The following PNPLA7 variants were observed in gnomAD, a reference collection of about 807,000 sequenced individuals.
PNPLA7 encodes patatin like domain 7, lysophospholipase.
PNPLA7 carries 153 observed loss-of-function variants against 161.7 expected under a neutral mutation model. The ratio of observed to expected loss-of-function variants is 0.95; its 90% CI spans 0.83 to 1.08. PNPLA7 has a LOEUF of 1.08. Among genes scored for constraint, PNPLA7 ranks in the 50% least tolerant of loss-of-function variants. The pLI is 0.00. For missense variants in PNPLA7, 1,739 were observed against 1,856.6 expected (o/e 0.94, Z 1.16); for synonymous variants, 809 against 782.1 (o/e 1.03, Z -0.57).
intron 30 of PNPLA7, 144 bp from the exon 31 acceptor site, chr9:137,462,475 G>T (rs1410627698): frequency 1.4e-6 from 2 of 1,419,712 alleles, no homozygotes; most frequent in Non-Finnish European, 9.3e-7. Context: ...CCGGCCGGGG[G>T]TCCTCCCTGC....
In PNPLA7 at chr9:137,540,795, C is replaced by T; in HGVS notation, c.667-73G>A. The T allele has an allele frequency of 5.0e-6, 7 of 1,399,760 alleles. No homozygotes were observed. Among genetic ancestry groups the T allele is most frequent in the Non-Finnish European group, 6.9e-6 (7 of 1,015,952 alleles). The allele number at this position is 1,399,760 out of a possible 1,614,324, so 86.7% of individuals were successfully genotyped here. A position where few individuals can be genotyped will look rare whatever the true frequency, so the allele number is the denominator to read the frequency against. On this transcript the variant is annotated intron_variant, in intron 7 of 34. Transcript: ENST00000406427. The surrounding 1 kb of genome is among the most constrained non-coding windows in gnomAD (Gnocchi z 5.1). ...CGCGGGGCCTGGCGGAGGCTCAGCC[C>T]AGCCCAGGGCAGTGGGGCCACGGGC...
intron 8 of PNPLA7, among the ~76,000 whole-genome samples, chr9:137,526,411 G>A (rs2132519325): frequency 6.6e-6 from 1 of 152,310 alleles, no homozygotes; most frequent in East Asian, 1.9e-4. Flanking sequence ...CCAAGTAGCT[G>A]GGACTACAGG....
intron 20 of PNPLA7, among the ~76,000 whole-genome samples, chr9:137,492,614 G>A: frequency 7.0e-6 from 1 of 143,746 alleles, no homozygotes; most frequent in East Asian, 2.1e-4. Flanking sequence ...CCAGGATAGG[G>A]CAGGGCCCAT....
At chr9:137,505,790 G>T in intron 13 of PNPLA7, 30 bp from the exon 14 acceptor site, 1 of 1,611,660 alleles carries the variant, frequency 6.2e-7, no homozygotes, top group South Asian at 1.1e-5. Flanking sequence ...CCGGCAATTC[G>T]AAGGGATGTG....
At chr9:137,519,498 C>A (rs1008009438) in intron 11 of PNPLA7, among the ~76,000 whole-genome samples, 1 of 152,194 alleles carries the variant, frequency 6.6e-6, no homozygotes, top group Non-Finnish European at 1.5e-5. Context: ...AGGAGACGGG[C>A]ACACGTAATG....
chr9:137,466,730 AC>A (rs1831486777), intron 26 of PNPLA7, among the ~76,000 whole-genome samples: 1 of 138,578 alleles, frequency 7.2e-6, no homozygotes, highest in African/African-American at 2.8e-5. Flanking sequence ...ACCACCTCCC[AC>A]CACCATCTCC....
intron 29 of PNPLA7, 55 bp downstream of exon 29, chr9:137,463,360 C>A: frequency 1.4e-6 from 2 of 1,459,178 alleles, no homozygotes; most frequent in African/African-American, 1.4e-5. Context: ...GGCCGTGGGG[C>A]GGCGTGACCC....
Position 137,540,982 on chromosome 9 carries a change from G to T in PNPLA7, c.667-260C>A. The T allele has an allele frequency of 2.3e-6, 1 of 434,680 alleles. No individual in the cohort carries two copies. The highest frequency in any genetic ancestry group is 3.4e-5 in the Admixed American group (1 of 29,590). 26.9% of individuals were successfully genotyped at this position (434,680 alleles called of 1,614,324 possible). On this transcript the variant is annotated intron_variant, in intron 7 of 34. Transcript: ENST00000406427. This position sits in a 1 kb window ranked among gnomAD's most constrained non-coding sequence, Gnocchi z 5.1. ...CATCCCATGACTCGTCTTCAATGTG[G>T]GGACTGAGGCAAAAGCTCGCAGAGC...
intron 20 of PNPLA7, among the ~76,000 whole-genome samples, chr9:137,489,241 A>G (rs1832653394): frequency 6.6e-6 from 1 of 152,258 alleles, no homozygotes; most frequent in African/African-American, 2.4e-5. Flanking sequence ...AAGATGGCGC[A>G]GAATGCAGCC....
chr9:137,543,736 G>T lies in PNPLA7; in HGVS notation c.353C>A (p.Ser118Tyr). Reference protein sequence around the residue: ...QRARKRTKVLSLAKRILRFKK... With the variant: ...QRARKRTKVLYLAKRILRFKK... ...GGACACACAGTACCTCTTGGCCAAA[G>T]ACAGCACCTTGGTCCTCTTCCTGGC... The change falls in exon 5 of 35, where the codon TCT becomes TAT. Residue 118 changes from serine (S) to tyrosine (Y), a missense_variant. Physicochemically the swap from Ser to Tyr is moderately radical, Grantham distance 144. Transcript: ENST00000406427. The surrounding 1 kb of genome is among the most constrained non-coding windows in gnomAD (Gnocchi z 6.9). 6.2e-7 allele frequency: 1 copy of T among 1,614,090 alleles called. No individual in the cohort carries two copies. Among genetic ancestry groups the T allele is most frequent in the Non-Finnish European group, 8.5e-7 (1 of 1,179,996 alleles).
intron 19 of PNPLA7, 52 bp from the exon 20 acceptor site, chr9:137,493,134 T>C (rs1832862719): frequency 1.9e-6 from 3 of 1,580,018 alleles, no homozygotes; most frequent in East Asian, 4.5e-5. Context: ...TGAGAAACAC[T>C]GGGAACCAAA....
At chr9:137,463,388 C>T (rs747457079) in intron 29 of PNPLA7, 27 bp downstream of exon 29, 1 of 1,568,484 alleles carries the variant, frequency 6.4e-7, no homozygotes, top group Non-Finnish European at 8.7e-7. Flanking sequence ...TGTGCTCCTG[C>T]CGGGCGTGGT....
Position 137,478,331 on chromosome 9 carries a change from G to C in PNPLA7, c.2764-179C>G, listed in dbSNP as rs370277257. The stretch of plus-strand genomic sequence containing the variant: ...GGTCAGCACCTCAGTGCCCGGACCG[G>C]GCCCCAGAGACAGCTCAGCTACTGG... On this transcript the variant is annotated intron_variant, in intron 24 of 34. Coordinates refer to ENST00000406427, the MANE Select transcript of PNPLA7 (RefSeq NM_001098537.3). 88 of 435,262 alleles carry C rather than the reference G, an allele frequency of 2.0e-4. 5 individuals carry two copies. The highest frequency in any genetic ancestry group is 7.1e-4 in the East Asian group (20 of 28,040). 27.0% of individuals were successfully genotyped at this position (435,262 alleles called of 1,614,324 possible).
At chr9:137,507,305 A>G (rs1833977249) in intron 12 of PNPLA7, among the ~76,000 whole-genome samples, 1 of 152,260 alleles carries the variant, frequency 6.6e-6, no homozygotes, top group Non-Finnish European at 1.5e-5. Flanking sequence ...AGAGGAGCGC[A>G]GCAGCCCCTT....
chr9:137,518,615 C>A (rs372763305), intron 11 of PNPLA7, among the ~76,000 whole-genome samples: 41 of 68,382 alleles, frequency 6.0e-4, no homozygotes, highest in Non-Finnish European at 1.0e-3. Flanking sequence ...ACTCCATCCC[C>A]CACTCACTCA....
chr9:137,501,138 T>C (rs958697155), intron 15 of PNPLA7, among the ~76,000 whole-genome samples: 1 of 152,184 alleles, frequency 6.6e-6, no homozygotes, highest in South Asian at 2.1e-4. Flanking sequence ...GCCTCGGACC[T>C]GCACACCTTC....
Position 137,504,072 on chromosome 9 carries a change from GGAA to G in PNPLA7, c.1473+1539_1473+1541del, listed in dbSNP as rs1222796550. Among the ~76,000 whole-genome samples the G allele has an allele frequency of 2.5e-3, 353 of 139,840 alleles. 11 individuals carry two copies. The highest frequency in any genetic ancestry group is 0.021 in the Admixed American group (290 of 13,752). The allele number at this position is 139,840 out of a possible 152,430, so 91.7% of individuals were successfully genotyped here. A position where few individuals can be genotyped will look rare whatever the true frequency, so the allele number is the denominator to read the frequency against. ...AAGAAGGAAGAAGAAGAAAGAAGAA[GGAA>G]GAAGAAGAAGGAAGAAGAAGGAAGA... On this transcript the variant is annotated intron_variant, in intron 14 of 34. Coordinates refer to ENST00000406427, the MANE Select transcript of PNPLA7 (RefSeq NM_001098537.3).
chr9:137,503,289 G>C (rs901742760), intron 14 of PNPLA7, among the ~76,000 whole-genome samples: 1 of 152,072 alleles, frequency 6.6e-6, no homozygotes, highest in Admixed American at 6.5e-5. Context: ...GCTGAGGTGG[G>C]AGGATCACTT....
chr9:137,537,723 G>A lies in PNPLA7; in HGVS notation c.747+2919C>T, dbSNP rs1365074989. 6.6e-6 allele frequency among the ~76,000 whole-genome samples: 1 copy of A among 152,142 alleles called. No individual in the cohort carries two copies. Among genetic ancestry groups the A allele is most frequent in the African/African-American group, 2.4e-5 (1 of 41,398 alleles). On this transcript the variant is annotated intron_variant, in intron 8 of 34. Coordinates refer to ENST00000406427, the MANE Select transcript of PNPLA7 (RefSeq NM_001098537.3). The surrounding 1 kb of genome is among the most constrained non-coding windows in gnomAD (Gnocchi z 4.5). ...GGATGAGACGGATCGCAGCAGCTGAGAGGAACCCGGCCCGTCTCAGCGCAC... is the reference window on the plus strand; with the variant it reads ...GGATGAGACGGATCGCAGCAGCTGAAAGGAACCCGGCCCGTCTCAGCGCAC...
Sources: gnomAD v4.1 joint callset for allele counts (sites outside exome capture counted in the v4.1 genomes callset) on GRCh38, gnomAD v4.1.1 for gene constraint, Gnocchi (gnomAD v3.1) non-coding constraint, MANE v1.5 for transcripts, NCBI Gene and HGNC (gene_info 2026-07-23, HGNC 2026-07-21) for gene names.